Variants in HS2ST1 observed in about 807,000 individuals in gnomAD.
The protein encoded by HS2ST1 is 2-O-sulfotransferase.
Under a neutral mutation model 42.9 loss-of-function variants are expected in HS2ST1, and 18 were observed. That is an observed-to-expected ratio of 0.42 (90% CI 0.29 to 0.62). The LOEUF (loss-of-function observed/expected upper bound fraction) is 0.62. HS2ST1 is among the 20% of genes least tolerant of loss of function. The pLI is 0.21. For synonymous variants in HS2ST1, 146 were observed against 152.9 expected, an observed-to-expected ratio of 0.95 and a Z score of 0.33; for missense variants, 334 against 433.8, an observed-to-expected ratio of 0.77 and a Z score of 2.04.
intron 1 of HS2ST1, among the ~76,000 whole-genome samples, chr1:87,055,197 C>T (rs1346302928): frequency 6.6e-6 from 1 of 152,200 alleles, no homozygotes; most frequent in Non-Finnish European, 1.5e-5. Context: ...AAAATGGGCT[C>T]TTCCACAGAC....
intron 1 of HS2ST1, among the ~76,000 whole-genome samples, chr1:86,974,380 G>A (rs565487470): frequency 1.3e-5 from 2 of 152,150 alleles, no homozygotes; most frequent in Non-Finnish European, 2.9e-5. Flanking sequence ...TGGGAGTTCT[G>A]TGCACCTCCT....
intron 1 of HS2ST1, among the ~76,000 whole-genome samples, chr1:86,937,965 G>T (rs896013677): frequency 6.6e-6 from 1 of 151,936 alleles, no homozygotes; most frequent in East Asian, 1.9e-4. Context: ...TTATATTTTT[G>T]TCATTGCCCT....
intron 4 of HS2ST1, among the ~76,000 whole-genome samples, chr1:87,093,765 C>T (rs1652000803): frequency 6.6e-6 from 1 of 152,064 alleles, no homozygotes. Context: ...ATGCCAGATA[C>T]TTGGTATGTT....
At chr1:86,963,235 T>C (rs773274906) in intron 1 of HS2ST1, among the ~76,000 whole-genome samples, 5 of 151,606 alleles carry the variant, frequency 3.3e-5, no homozygotes, top group Non-Finnish European at 7.4e-5. Context: ...CATAGGACAA[T>C]AGTGGAGGGA....
At chr1:87,077,013 A>G (rs1205766164) in intron 2 of HS2ST1, among the ~76,000 whole-genome samples, 2 of 152,158 alleles carry the variant, frequency 1.3e-5, no homozygotes, top group South Asian at 2.1e-4. Flanking sequence ...TTCTCCACCT[A>G]TAATGTGTAT....
At chr1:86,997,823 C>T (rs1448927088) in intron 1 of HS2ST1, among the ~76,000 whole-genome samples, 2 of 152,116 alleles carry the variant, frequency 1.3e-5, no homozygotes, top group African/African-American at 4.8e-5. Flanking sequence ...CTGAGTGGGA[C>T]AGGGTGGTGT....
At chr1:87,097,969 C>A in intron 5 of HS2ST1, 34 bp downstream of exon 5, 1 of 1,613,150 alleles carries the variant, frequency 6.2e-7, no homozygotes, top group Non-Finnish European at 8.5e-7. Context: ...GATTGATTAT[C>A]ATCCTTATTA....
intron 1 of HS2ST1, among the ~76,000 whole-genome samples, chr1:87,058,655 T>A (rs1470340088): frequency 6.6e-6 from 1 of 151,672 alleles, no homozygotes; most frequent in Non-Finnish European, 1.5e-5. Context: ...ATCAGACAGA[T>A]GAGGGTGTGA....
At chr1:86,926,223 A>T (rs1660416691) in intron 1 of HS2ST1, among the ~76,000 whole-genome samples, 1 of 152,122 alleles carries the variant, frequency 6.6e-6, no homozygotes, top group Non-Finnish European at 1.5e-5. Flanking sequence ...GAATTCCCAA[A>T]ATTGTTCCAC....
At chr1:87,018,094 T>A (rs1048684769) in intron 1 of HS2ST1, among the ~76,000 whole-genome samples, 3 of 151,056 alleles carry the variant, frequency 2.0e-5, no homozygotes, top group Non-Finnish European at 2.9e-5. Context: ...TCAATGTAAC[T>A]CTCACCTCTT....
intron 1 of HS2ST1, among the ~76,000 whole-genome samples, chr1:87,014,968 A>G (rs1197610367): frequency 1.3e-5 from 2 of 152,222 alleles, no homozygotes; most frequent in Non-Finnish European, 2.9e-5. Flanking sequence ...TCTTTCTTTT[A>G]GAGAACCTTT....
chr1:87,018,501 C>T (rs1035204079), intron 1 of HS2ST1, among the ~76,000 whole-genome samples: 8 of 152,152 alleles, frequency 5.3e-5, no homozygotes, highest in African/African-American at 1.9e-4. Flanking sequence ...CGTTTGGCTC[C>T]TGCAGTGCAT....
At chr1:86,974,660 A>T (rs1570457590) in intron 1 of HS2ST1, among the ~76,000 whole-genome samples, 1 of 152,124 alleles carries the variant, frequency 6.6e-6, no homozygotes, top group Non-Finnish European at 1.5e-5. Context: ...TTCTGCACTA[A>T]CTCTGAGCAG....
intron 1 of HS2ST1, among the ~76,000 whole-genome samples, chr1:87,001,864 C>T (rs180758740): frequency 3.9e-5 from 6 of 152,222 alleles, no homozygotes; most frequent in Non-Finnish European, 5.9e-5. Context: ...CCGTCCACAT[C>T]GGCCTCCCAA....
At chr1:86,926,016 C>T (rs1660409946) in intron 1 of HS2ST1, among the ~76,000 whole-genome samples, 1 of 152,106 alleles carries the variant, frequency 6.6e-6, no homozygotes, top group Non-Finnish European at 1.5e-5. Flanking sequence ...TTGGGACATA[C>T]TTAAGTTATC....
Position 87,104,490 on chromosome 1 carries a change from A to G in HS2ST1, c.865A>G (p.Lys289Glu). 6.2e-7 allele frequency: 1 copy of G among 1,610,480 alleles called. No homozygotes were observed. The highest frequency in any genetic ancestry group is 8.5e-7 in the Non-Finnish European group (1 of 1,177,888). ...YRTGKKSHLR[K>E]TTEKKLPTKQ... Reference sequence around the variant, plus strand: ...AGTAGGAAAGAAATCTCATCTTAGGAAAACCACAGAGAAGAAACTCCCCAC... The same window carrying G: ...AGTAGGAAAGAAATCTCATCTTAGGGAAACCACAGAGAAGAAACTCCCCAC... Residue 289 changes from lysine to glutamate, a missense_variant, in exon 7 of 7, where the codon AAA becomes GAA. Coordinates refer to ENST00000370550, the MANE Select transcript of HS2ST1 (RefSeq NM_012262.4).
chr1:86,999,425 A>T (rs1165120759), intron 1 of HS2ST1, among the ~76,000 whole-genome samples: 1 of 151,804 alleles, frequency 6.6e-6, no homozygotes, highest in Non-Finnish European at 1.5e-5. Context: ...TGATCCACCC[A>T]CCTCAGCCTC....
chr1:86,986,762 G>A (rs900939450), intron 1 of HS2ST1, among the ~76,000 whole-genome samples: 3 of 152,182 alleles, frequency 2.0e-5, no homozygotes, highest in African/African-American at 7.2e-5. Flanking sequence ...TCCCTCTAGA[G>A]ATTCCAGAAT....
At chr1:86,987,129 G>T (rs1648811082) in intron 1 of HS2ST1, among the ~76,000 whole-genome samples, 2 of 148,856 alleles carry the variant, frequency 1.3e-5, no homozygotes, top group African/African-American at 5.0e-5. Context: ...GAGTGCAGTG[G>T]CATGATCTTG....
Sources: allele counts gnomAD v4.1 joint callset (sites outside exome capture counted in the v4.1 genomes callset), GRCh38; gene constraint gnomAD v4.1.1; transcripts MANE v1.5; gene names NCBI Gene and HGNC (gene_info 2026-07-23, HGNC 2026-07-21).